KCNJ15: variants seen among roughly 807,000 people sequenced by gnomAD.
The protein encoded by KCNJ15 is ATP-sensitive inward rectifier potassium channel 15.
Under a neutral mutation model 23.0 loss-of-function variants are expected in KCNJ15, and 14 were observed. The observed-to-expected ratio is 0.61, with a 90% CI of 0.40 to 0.95. KCNJ15 has a LOEUF of 0.95. KCNJ15 is among the 40% of genes least tolerant of loss of function. KCNJ15 has a pLI of 0.00. For missense variants in KCNJ15, 388 were observed against 461.8 expected, an observed-to-expected ratio of 0.84 and a Z score of 1.46; for synonymous variants, 185 against 183.2, an observed-to-expected ratio of 1.01 and a Z score of -0.08.
At chr21:38,290,507 CT>C (rs2123705371) in intron 1 of KCNJ15, among the ~76,000 whole-genome samples, 1 of 152,238 alleles carries the variant, frequency 6.6e-6, no homozygotes, top group African/African-American at 2.4e-5. Flanking sequence ...ACACTTTTTG[CT>C]TTTCTAATGT....
intron 1 of KCNJ15, among the ~76,000 whole-genome samples, chr21:38,240,495 C>G: frequency 6.6e-6 from 1 of 152,142 alleles, no homozygotes; most frequent in East Asian, 1.9e-4. Context: ...AATTTTACAC[C>G]AGTTGTCTGT....
At chr21:38,273,471 T>G (rs1982314204) in intron 1 of KCNJ15, among the ~76,000 whole-genome samples, 1 of 152,254 alleles carries the variant, frequency 6.6e-6, no homozygotes, top group Admixed American at 6.5e-5. Flanking sequence ...CAGAAAGTCA[T>G]TTTCCAAACT....
intron 1 of KCNJ15, among the ~76,000 whole-genome samples, chr21:38,247,498 A>G (rs977201011): frequency 2.0e-5 from 3 of 150,406 alleles, no homozygotes; most frequent in Non-Finnish European, 4.4e-5. Context: ...AGATGGATAA[A>G]TGGATGGTTG....
At chr21:38,294,200 A>C (rs1441788495) in intron 1 of KCNJ15, among the ~76,000 whole-genome samples, 1 of 152,210 alleles carries the variant, frequency 6.6e-6, no homozygotes, top group East Asian at 1.9e-4. Context: ...TTCTGGACAA[A>C]GAGATCATTG....
chr21:38,290,766 G>A (rs187503870), intron 1 of KCNJ15, among the ~76,000 whole-genome samples: 1 of 152,226 alleles, frequency 6.6e-6, no homozygotes, highest in East Asian at 1.9e-4. Context: ...AGTAGCCAGT[G>A]AGATGGATAA....
intron 1 of KCNJ15, among the ~76,000 whole-genome samples, chr21:38,234,220 T>C (rs1978452092): frequency 6.6e-6 from 1 of 152,244 alleles, no homozygotes; most frequent in Admixed American, 6.5e-5. Context: ...CAGGATGGCT[T>C]TGAATGTGGC....
intron 1 of KCNJ15, among the ~76,000 whole-genome samples, chr21:38,275,174 T>C (rs947995639): frequency 6.6e-6 from 1 of 152,206 alleles, no homozygotes; most frequent in African/African-American, 2.4e-5. Context: ...GTGATTCTCT[T>C]GAATTCATGT....
At chr21:38,246,826 C>T (rs1343729302) in intron 1 of KCNJ15, among the ~76,000 whole-genome samples, 1 of 152,128 alleles carries the variant, frequency 6.6e-6, no homozygotes, top group Non-Finnish European at 1.5e-5. Flanking sequence ...TCTCACTCTG[C>T]AAATTTAACA....
intron 1 of KCNJ15, among the ~76,000 whole-genome samples, chr21:38,240,197 C>G (rs1021012475): frequency 6.6e-6 from 1 of 152,052 alleles, no homozygotes; most frequent in Non-Finnish European, 1.5e-5. Context: ...AATATAGACT[C>G]CCATCGTAGC....
Position 38,300,314 on chromosome 21 carries a change from CGAG to C in KCNJ15, c.1057_1059del (p.Glu353del), listed in dbSNP as rs1569023234. On this transcript the variant is annotated inframe_deletion, in exon 3 of 3. Coordinates refer to ENST00000398938, the MANE Select transcript of KCNJ15 (RefSeq NM_170736.3). ...GTGCAGATTCTGAGAAACAGCAACT[CGAG>C]GAGAAGTACAGGCAGGAGGATCAGA... 1.2e-6 allele frequency: 2 copies of C among 1,613,928 alleles called. No homozygotes were observed. Among genetic ancestry groups the C allele is most frequent in the Admixed American group, 1.7e-5 (1 of 60,020 alleles).
rs141539949 is a variant in KCNJ15 at position 38,299,429 on chromosome 21, C to G, written c.168C>G (p.Thr56=). 1 of 1,614,028 alleles carries G rather than the reference C, an allele frequency of 6.2e-7. No homozygotes were observed. Among genetic ancestry groups the G allele is most frequent in the Non-Finnish European group, 8.5e-7 (1 of 1,180,012 alleles). Reference sequence around the variant, plus strand: ...TACTCTACCTGCAAGACCTGTGGACCACAGTTATCGACATGAAGTGGAGAT... The same window carrying G: ...TACTCTACCTGCAAGACCTGTGGACGACAGTTATCGACATGAAGTGGAGAT... ...IYLLYLQDLW[T]TVIDMKWRYK... Residue 56 remains threonine (T), a synonymous_variant, in exon 3 of 3, where the codon ACC becomes ACG. Transcript: ENST00000398938. The surrounding 1 kb of genome is among the most constrained non-coding windows in gnomAD (Gnocchi z 4.5).
Position 38,250,539 on chromosome 21 carries a change from G to C in KCNJ15, c.-398-6507G>C, listed in dbSNP as rs79613327. Reference sequence around the variant, plus strand: ...CTCAGGAATTGAAATGTCATAGCAAGAAATATCAGTACAGAAGAGATCTGG... The same window carrying C: ...CTCAGGAATTGAAATGTCATAGCAACAAATATCAGTACAGAAGAGATCTGG... On this transcript the variant is annotated intron_variant, in intron 1 of 4. Coordinates refer to the KCNJ15 transcript ENST00000547341. 5.5e-3 allele frequency among the ~76,000 whole-genome samples: 843 copies of C among 152,324 alleles called. 9 individuals carry two copies. Among genetic ancestry groups the C allele is most frequent in the African/African-American group, 0.018 (764 of 41,566 alleles).
chr21:38,245,520 C>G (rs117395775), intron 1 of KCNJ15, among the ~76,000 whole-genome samples: 1 of 150,546 alleles, frequency 6.6e-6, no homozygotes, highest in East Asian at 2.0e-4. Context: ...TATCTGAAAC[C>G]AGGATACGAG....
chr21:38,295,481 C>G (rs7282593), intron 1 of KCNJ15, among the ~76,000 whole-genome samples: 15,218 of 151,760 alleles, frequency 0.1, 2,169 homozygotes, highest in African/African-American at 0.32. Context: ...GAAAATCAAT[C>G]AGATTTGCTT....
intron 1 of KCNJ15, chr21:38,238,576 C>T (rs1419859806): frequency 9.6e-6 from 6 of 626,060 alleles, no homozygotes; most frequent in Non-Finnish European, 1.5e-5. Flanking sequence ...AGTCACTAGG[C>T]ACACACACTT....
At chr21:38,254,481 A>G (rs1568988393), upstream of KCNJ15, among the ~76,000 whole-genome samples, 2 of 152,232 alleles carry the variant, frequency 1.3e-5, no homozygotes, top group Non-Finnish European at 2.9e-5. Flanking sequence ...TAAAATTGTT[A>G]TAAATGAGTA....
At chr21:38,278,289 G>T (rs926512235) in intron 1 of KCNJ15, among the ~76,000 whole-genome samples, 3 of 152,222 alleles carry the variant, frequency 2.0e-5, no homozygotes, top group Non-Finnish European at 4.4e-5. Context: ...AGGTGGTGGG[G>T]TGTGATGGAT....
chr21:38,299,770 G>A lies in KCNJ15; in HGVS notation c.509G>A (p.Arg170Lys). 1 of 1,614,012 alleles carries A rather than the reference G, an allele frequency of 6.2e-7. No homozygotes were observed. The highest frequency in any genetic ancestry group is 8.5e-7 in the Non-Finnish European group (1 of 1,180,026). The change falls in exon 3 of 3, where the codon AGA becomes AAA. Residue 170 changes from arginine (R) to lysine (K), a missense_variant. Coordinates refer to ENST00000398938, the MANE Select transcript of KCNJ15 (RefSeq NM_170736.3). This position sits in a 1 kb window ranked among gnomAD's most constrained non-coding sequence, Gnocchi z 4.5. ...ITGTFLAKIA[R>K]PKKRAETIKF... ...GGAACCTTCCTGGCCAAAATCGCCA[G>A]ACCCAAAAAGCGGGCTGAGACCATC...
intron 1 of KCNJ15, chr21:38,291,775 C>T (rs2123708600): frequency 6.6e-6 from 1 of 152,336 alleles, no homozygotes; most frequent in Non-Finnish European, 1.5e-5. Flanking sequence ...GCATTTTTAT[C>T]AACCCCTCCA....
Sources: gnomAD v4.1 joint callset for allele counts (sites outside exome capture counted in the v4.1 genomes callset) on GRCh38, gnomAD v4.1.1 for gene constraint, Gnocchi (gnomAD v3.1) non-coding constraint, MANE v1.5 for transcripts, NCBI Gene and HGNC (gene_info 2026-07-23, HGNC 2026-07-21) for gene names.